Variants in FAM174B observed in about 807,000 individuals in gnomAD.
FAM174B encodes membrane protein FAM174B.
Under a neutral mutation model 10.9 loss-of-function variants are expected in FAM174B, and 12 were observed. The ratio of observed to expected loss-of-function variants is 1.10; its 90% CI spans 0.71 to 1.79. FAM174B has a LOEUF of 1.79. FAM174B is among the 40% of genes most tolerant of loss of function. FAM174B has a pLI of 0.00. For synonymous variants in FAM174B, 132 were observed against 115.8 expected (o/e 1.14, Z -0.90); for missense variants, 266 against 233.3 (o/e 1.14, Z -0.91).
At chr15:92,628,216 G>A (rs948840960) in intron 2 of FAM174B, among the ~76,000 whole-genome samples, 3 of 151,436 alleles carry the variant, frequency 2.0e-5, no homozygotes, top group Non-Finnish European at 4.4e-5. Context: ...CCAGGCTGGA[G>A]TGCAGTGGCA....
chr15:92,630,895 A>G (rs183582722), intron 1 of FAM174B, among the ~76,000 whole-genome samples: 237 of 42,712 alleles, frequency 5.5e-3, no homozygotes, highest in Middle Eastern at 0.048. Context: ...TACGTATTAC[A>G]TATTACATAT....
At chr15:92,636,539 A>T (rs2050857288) in intron 1 of FAM174B, among the ~76,000 whole-genome samples, 1 of 152,224 alleles carries the variant, frequency 6.6e-6, no homozygotes. Flanking sequence ...CAGTCCAGTG[A>T]CCAGGAGACT....
intron 1 of FAM174B, 172 bp downstream of exon 1, chr15:92,655,144 A>T: frequency 1.2e-6 from 1 of 857,426 alleles, no homozygotes. Flanking sequence ...GAAAATCCAG[A>T]CGAGCACACC....
intron 2 of FAM174B, among the ~76,000 whole-genome samples, chr15:92,622,113 T>C (rs868003403): frequency 6.6e-6 from 1 of 152,218 alleles, no homozygotes; most frequent in African/African-American, 2.4e-5. Flanking sequence ...TCTGTACCGC[T>C]GCCATGCTGA....
At chr15:92,635,555 C>CAGG (rs1487603608) in intron 1 of FAM174B, among the ~76,000 whole-genome samples, 1 of 149,926 alleles carries the variant, frequency 6.7e-6, no homozygotes, top group Non-Finnish European at 1.5e-5. Flanking sequence ...ATTGAGGGTG[C>CAGG]AGGAAATCTT....
intron 2 of FAM174B, 74 bp from the exon 3 acceptor site, chr15:92,619,533 T>G: frequency 6.6e-7 from 1 of 1,521,774 alleles, no homozygotes. Context: ...CTCCTGAACA[T>G]CTCTATCCCT....
chr15:92,619,827 C>CA (rs1388390515), intron 2 of FAM174B: 1 of 292,672 alleles, frequency 3.4e-6, no homozygotes, highest in East Asian at 6.3e-5. Context: ...ATCCCACAAT[C>CA]ACGGTGATAA....
At chr15:92,624,290 G>C (rs2050738921) in intron 2 of FAM174B, among the ~76,000 whole-genome samples, 1 of 152,154 alleles carries the variant, frequency 6.6e-6, no homozygotes, top group Admixed American at 6.5e-5. Flanking sequence ...TCCAGGCCTT[G>C]GAAGCTAATG....
chr15:92,653,853 G>A (rs961008603), intron 1 of FAM174B, among the ~76,000 whole-genome samples: 6 of 152,376 alleles, frequency 3.9e-5, no homozygotes, highest in East Asian at 3.9e-4. Flanking sequence ...TGATGTCTGC[G>A]TTGCAGACGG....
intron 1 of FAM174B, among the ~76,000 whole-genome samples, chr15:92,636,082 G>A (rs183723578): frequency 1.3e-5 from 2 of 152,272 alleles, no homozygotes; most frequent in Non-Finnish European, 2.9e-5. Flanking sequence ...GAGTGCATTC[G>A]AAGCCTAAAA....
At chr15:92,639,615 G>A (rs2050877201) in intron 1 of FAM174B, among the ~76,000 whole-genome samples, 1 of 152,218 alleles carries the variant, frequency 6.6e-6, no homozygotes, top group Non-Finnish European at 1.5e-5. Flanking sequence ...AGTGCTGGAG[G>A]TGGGGCCTGG....
At chr15:92,637,846 G>A (rs1211869056) in intron 1 of FAM174B, among the ~76,000 whole-genome samples, 1 of 152,176 alleles carries the variant, frequency 6.6e-6, no homozygotes, top group Non-Finnish European at 1.5e-5. Context: ...TTGGGGACAG[G>A]GCCCTCATTT....
chr15:92,621,814 A>G (rs918461299), intron 2 of FAM174B, among the ~76,000 whole-genome samples: 4 of 151,778 alleles, frequency 2.6e-5, no homozygotes, highest in African/African-American at 9.7e-5. Context: ...GAGCCCAAGC[A>G]CTCACACCCC....
chr15:92,645,648 T>C (rs2141962761), intron 1 of FAM174B: 1 of 152,244 alleles, frequency 6.6e-6, no homozygotes, highest in African/African-American at 2.4e-5. Flanking sequence ...GGAAGGGAAG[T>C]GAGGTTTAAA....
intron 1 of FAM174B, among the ~76,000 whole-genome samples, chr15:92,632,649 A>G (rs531438771): frequency 6.6e-6 from 1 of 151,270 alleles, no homozygotes; most frequent in South Asian, 2.1e-4. Flanking sequence ...AGCTGGGACT[A>G]CAGGTGCACA....
At chr15:92,630,158 G>T (rs565641479) in intron 2 of FAM174B, 56 bp downstream of exon 2, 2 of 1,591,754 alleles carry the variant, frequency 1.3e-6, no homozygotes, top group Non-Finnish European at 1.7e-6. Flanking sequence ...TGACCTCGAG[G>T]TCCCACCAAC....
In FAM174B at chr15:92,630,246, ATCTTCATCATCC is replaced by A. The variant is rs1380773472; in HGVS notation, c.432_443del (p.Glu144_Glu147del). On this transcript the variant is annotated inframe_deletion, in exon 2 of 3. Transcript: ENST00000327355. ...TGATGTCGAATACTGTGGAGTCCTCATCTTCATCATCCTCTTCATTTAGTGGCGCCATTTCCA... is the reference window on the plus strand; with the variant it reads ...TGATGTCGAATACTGTGGAGTCCTCATCTTCATTTAGTGGCGCCATTTCCA... 1 of 1,608,764 alleles carries A rather than the reference ATCTTCATCATCC, an allele frequency of 6.2e-7. No homozygotes were observed.
chr15:92,624,460 CT>C (rs374476471), intron 2 of FAM174B, among the ~76,000 whole-genome samples: 12 of 152,362 alleles, frequency 7.9e-5, no homozygotes, highest in African/African-American at 2.9e-4. Flanking sequence ...CTTGAGTGTG[CT>C]TAGCAACTGC....
chr15:92,627,667 G>C (rs1362218830), intron 2 of FAM174B, among the ~76,000 whole-genome samples: 1 of 152,214 alleles, frequency 6.6e-6, no homozygotes, highest in East Asian at 1.9e-4. Flanking sequence ...TTCCCACGGA[G>C]TTAGTTCAGT....
Sources: gnomAD v4.1 joint callset for allele counts (sites outside exome capture counted in the v4.1 genomes callset) on GRCh38, gnomAD v4.1.1 for gene constraint, MANE v1.5 for transcripts, NCBI Gene and HGNC (gene_info 2026-07-23, HGNC 2026-07-21) for gene names.